FAF1: variants seen among roughly 807,000 people sequenced by gnomAD.
The protein encoded by FAF1 is FAS-associated factor 1.
A neutral mutation model predicts 92.5 loss-of-function variants in FAF1; 25 were observed. The observed-to-expected ratio is 0.27, with a 90% CI of 0.20 to 0.38. FAF1 has a LOEUF of 0.38. FAF1 is among the 10% of genes least tolerant of loss of function. FAF1 has a pLI of 1.00. For synonymous variants in FAF1, 234 were observed against 273.2 expected, an observed-to-expected ratio of 0.86 and a Z score of 1.42; for missense variants, 636 against 793.3, an observed-to-expected ratio of 0.80 and a Z score of 2.38.
chr1:50,887,478 T>C (rs964520014), intron 1 of FAF1, among the ~76,000 whole-genome samples: 15 of 152,218 alleles, frequency 9.9e-5, no homozygotes, highest in African/African-American at 3.6e-4. Context: ...TGGTATTGCC[T>C]ACATTTTCTT....
intron 1 of FAF1, among the ~76,000 whole-genome samples, chr1:50,906,689 T>C (rs1413551870): frequency 6.6e-6 from 1 of 152,196 alleles, no homozygotes; most frequent in Non-Finnish European, 1.5e-5. Flanking sequence ...TTGTCTGTTA[T>C]TGGTGTATAG....
intron 4 of FAF1, chr1:50,780,460 C>T (rs765318785): frequency 5.8e-6 from 1 of 171,630 alleles, no homozygotes; most frequent in Non-Finnish European, 1.2e-5. Flanking sequence ...CATCTTTGAC[C>T]GATCCCATGG....
At chr1:50,823,178 A>G (rs1644061971) in intron 2 of FAF1, among the ~76,000 whole-genome samples, 1 of 152,200 alleles carries the variant, frequency 6.6e-6, no homozygotes, top group South Asian at 2.1e-4. Flanking sequence ...TATCTGCTTT[A>G]TATTACAAGC....
chr1:50,878,693 T>C lies in FAF1; in HGVS notation c.46-20696A>G, dbSNP rs142667967. On this transcript the variant is annotated intron_variant, in intron 1 of 18. Transcript: ENST00000396153. ...CCTCTCAATGATACCACAAGATAGATATTATTATGCCCATTAAAATCCTTA... is the reference window on the plus strand; with the variant it reads ...CCTCTCAATGATACCACAAGATAGACATTATTATGCCCATTAAAATCCTTA... Among the ~76,000 whole-genome samples the C allele has an allele frequency of 1.4e-4, 22 of 152,298 alleles. No homozygotes were observed. The East Asian group carries it at 4.0e-3, about 28-fold the overall frequency.
intron 4 of FAF1, among the ~76,000 whole-genome samples, chr1:50,751,348 G>A (rs1395837135): frequency 1.3e-5 from 2 of 151,974 alleles, no homozygotes; most frequent in Non-Finnish European, 2.9e-5. Flanking sequence ...TTGTTTGTTT[G>A]TTTTGAGATG....
At position 50,959,948 on chromosome 1, in the gene FAF1, C is replaced by T. The variant is rs1645302857; in HGVS notation, c.-137G>A. The T allele has an allele frequency of 4.9e-6, 2 of 410,196 alleles. No homozygotes were observed. The highest frequency in any genetic ancestry group is 7.6e-6 in the Non-Finnish European group (2 of 264,806). The allele number at this position is 410,196 out of a possible 1,614,324, so 25.4% of individuals were successfully genotyped here. ...CTGGCGGGCGAGCCGGCGGGCGGGT[C>T]GGCGGGCCAGCGGGCGGGGCAGCGC... On this transcript the variant is annotated 5_prime_UTR_variant, in exon 1 of 19. Coordinates refer to ENST00000396153, the MANE Select transcript of FAF1 (RefSeq NM_007051.3).
intron 1 of FAF1, among the ~76,000 whole-genome samples, chr1:50,958,073 A>C (rs1645283855): frequency 6.6e-6 from 1 of 152,170 alleles, no homozygotes; most frequent in African/African-American, 2.4e-5. Context: ...AGGTGGGTAG[A>C]TCACTTGAGC....
intron 4 of FAF1, among the ~76,000 whole-genome samples, chr1:50,747,550 A>G (rs1659678603): frequency 6.6e-6 from 1 of 152,174 alleles, no homozygotes. Context: ...ACAGGCTCAC[A>G]GGTAAAAGGG....
chr1:50,743,485 G>A (rs1659467746), intron 5 of FAF1, among the ~76,000 whole-genome samples: 1 of 150,800 alleles, frequency 6.6e-6, no homozygotes, highest in Admixed American at 6.6e-5. Flanking sequence ...GTGCCACCAC[G>A]CCCAGCTAAT....
intron 2 of FAF1, among the ~76,000 whole-genome samples, chr1:50,819,740 C>CGTATATATATATACATATATATATACGT (rs3062921): frequency 0.035 from 987 of 28,004 alleles, 235 homozygotes; most frequent in Middle Eastern, 0.056. Context: ...CATATATATA[C>CGTATATATATATACATATATATATACGT]ATATATATAT....
chr1:50,526,092 T>C (rs1410626605), intron 15 of FAF1, among the ~76,000 whole-genome samples: 1 of 152,212 alleles, frequency 6.6e-6, no homozygotes, highest in Admixed American at 6.5e-5. Context: ...TGATATCGTT[T>C]GCGATATTTC....
intron 12 of FAF1, among the ~76,000 whole-genome samples, chr1:50,571,844 C>G (rs548873435): frequency 1.3e-5 from 2 of 152,044 alleles, no homozygotes; most frequent in Non-Finnish European, 2.9e-5. Flanking sequence ...ATAAGCCAGG[C>G]AGAGAGCAGA....
At chr1:50,798,124 T>A (rs1661832989) in intron 3 of FAF1, among the ~76,000 whole-genome samples, 1 of 149,842 alleles carries the variant, frequency 6.7e-6, no homozygotes, top group Non-Finnish European at 1.5e-5. Flanking sequence ...GTGAATCAAA[T>A]CAGATTTTTT....
At chr1:50,829,499 C>T (rs1414575187) in intron 2 of FAF1, among the ~76,000 whole-genome samples, 1 of 152,206 alleles carries the variant, frequency 6.6e-6, no homozygotes, top group Non-Finnish European at 1.5e-5. Flanking sequence ...CTAACCTCAA[C>T]AGTGTTGACA....
chr1:50,721,287 T>A (rs1658401197), intron 6 of FAF1, among the ~76,000 whole-genome samples: 1 of 152,000 alleles, frequency 6.6e-6, no homozygotes, highest in South Asian at 2.1e-4. Flanking sequence ...CGATCTCTGC[T>A]CGCTGCAACC....
chr1:50,809,490 C>A (rs538096982), intron 2 of FAF1, among the ~76,000 whole-genome samples: 4 of 152,056 alleles, frequency 2.6e-5, no homozygotes, highest in Non-Finnish European at 5.9e-5. Context: ...GAACATCTCT[C>A]TATGCACAAA....
At chr1:50,729,320 G>T (rs181815853) in intron 6 of FAF1, among the ~76,000 whole-genome samples, 4 of 151,698 alleles carry the variant, frequency 2.6e-5, no homozygotes, top group Non-Finnish European at 4.4e-5. Context: ...CTCCCAAAGC[G>T]CTGGGATTAC....
chr1:50,754,736 A>G (rs983206283), intron 4 of FAF1, among the ~76,000 whole-genome samples: 1 of 152,190 alleles, frequency 6.6e-6, no homozygotes, highest in Non-Finnish European at 1.5e-5. Flanking sequence ...AGATTGGGCA[A>G]TTTACAAAAG....
At chr1:50,559,237 C>A (rs1649748830) in intron 13 of FAF1, among the ~76,000 whole-genome samples, 1 of 149,278 alleles carries the variant, frequency 6.7e-6, no homozygotes, top group Admixed American at 6.7e-5. Context: ...GGCAACAGAG[C>A]GAGACTCCGT....
Sources: allele counts gnomAD v4.1 joint callset (sites outside exome capture counted in the v4.1 genomes callset), GRCh38; gene constraint gnomAD v4.1.1; transcripts MANE v1.5; gene names NCBI Gene and HGNC (gene_info 2026-07-23, HGNC 2026-07-21).